CTNNA3: variants seen among roughly 807,000 people sequenced by gnomAD.
CTNNA3 encodes the protein catenin alpha-3.
CTNNA3 carries 76 observed loss-of-function variants against 95.7 expected under a neutral mutation model. The observed-to-expected ratio is 0.79, with a 90% confidence interval of 0.66 to 0.96. The LOEUF is 0.96. Among genes scored for constraint, CTNNA3 ranks in the 40% least tolerant of loss-of-function variants. The probability of loss-of-function intolerance (pLI) is 0.00; values close to 1 mark genes in which losing one functional copy is unlikely to be tolerated. For synonymous variants in CTNNA3, 431 were observed against 374.4 expected (o/e 1.15, Z -1.74); for missense variants, 1,191 against 1,089.8 (o/e 1.09, Z -1.31).
At chr10:67,544,229 G>C (rs10823060) in intron 3 of CTNNA3, among the ~76,000 whole-genome samples, 30,127 of 152,062 alleles carry the variant, frequency 0.2, 4,966 homozygotes, top group African/African-American at 0.46. Flanking sequence ...CCAGTCAAGG[G>C]AGAATAACAG....
intron 1 of CTNNA3, among the ~76,000 whole-genome samples, chr10:67,670,922 C>G (rs1258350209): frequency 6.6e-6 from 1 of 151,944 alleles, no homozygotes; most frequent in East Asian, 1.9e-4. Context: ...TTGTATTTCC[C>G]ATCTCTTTCT....
chr10:66,604,523 C>T (rs1010809798), intron 10 of CTNNA3, among the ~76,000 whole-genome samples: 1 of 152,114 alleles, frequency 6.6e-6, no homozygotes, highest in Non-Finnish European at 1.5e-5. Context: ...CACCATACTA[C>T]GAAATGCTTT....
intron 14 of CTNNA3, among the ~76,000 whole-genome samples, chr10:66,100,322 A>T (rs553941231): frequency 6.6e-6 from 1 of 152,182 alleles, no homozygotes; most frequent in Non-Finnish European, 1.5e-5. Context: ...AAGGTTGTAT[A>T]TGTATTATCA....
intron 1 of CTNNA3, among the ~76,000 whole-genome samples, chr10:67,716,803 G>C (rs1196574107): frequency 2.0e-5 from 3 of 152,208 alleles, no homozygotes. Context: ...TGTGTTTAGA[G>C]TAGAATGACT....
At chr10:67,431,338 C>T (rs114989592) in intron 5 of CTNNA3, among the ~76,000 whole-genome samples, 6,616 of 152,074 alleles carry the variant, frequency 0.044, 175 homozygotes, top group South Asian at 0.098. Flanking sequence ...CTTAACATAT[C>T]TCAGAATCAG....
intron 1 of CTNNA3, among the ~76,000 whole-genome samples, chr10:67,713,655 A>C (rs866137857): frequency 3.3e-5 from 5 of 152,182 alleles, no homozygotes; most frequent in African/African-American, 1.2e-4. Flanking sequence ...TGAAGCTGGA[A>C]ACCATCATTG....
intron 7 of CTNNA3, among the ~76,000 whole-genome samples, chr10:67,031,581 T>G (rs1172207797): frequency 6.6e-6 from 1 of 152,184 alleles, no homozygotes; most frequent in African/African-American, 2.4e-5. Context: ...GAGGACATAA[T>G]GTAACAGCAC....
At chr10:67,127,286 T>C (rs1021472675) in intron 7 of CTNNA3, among the ~76,000 whole-genome samples, 6 of 152,204 alleles carry the variant, frequency 3.9e-5, no homozygotes, top group Non-Finnish European at 8.8e-5. Flanking sequence ...TATTGACTTA[T>C]TATACACTTC....
intron 13 of CTNNA3, among the ~76,000 whole-genome samples, chr10:66,194,481 G>A (rs189585720): frequency 6.6e-6 from 1 of 152,298 alleles, no homozygotes; most frequent in Non-Finnish European, 1.5e-5. Context: ...TTGGGAGGCT[G>A]AGGCATGAGA....
chr10:67,192,782 A>T (rs10822997), intron 6 of CTNNA3, among the ~76,000 whole-genome samples: 55,513 of 151,770 alleles, frequency 0.37, 14,555 homozygotes, highest in African/African-American at 0.75. Context: ...TAGCTTGAAA[A>T]GACATCTGCA....
At chr10:66,260,047 G>C (rs1439795501) in intron 13 of CTNNA3, among the ~76,000 whole-genome samples, 1 of 152,070 alleles carries the variant, frequency 6.6e-6, no homozygotes, top group Non-Finnish European at 1.5e-5. Flanking sequence ...AGGTCTCTCT[G>C]ACCTCTCACT....
In CTNNA3 at chr10:66,627,052, G is replaced by T. The variant is rs145931307; in HGVS notation, c.1282-5268C>A. On this transcript the variant is annotated intron_variant, in intron 9 of 17. Coordinates refer to ENST00000433211, the MANE Select transcript of CTNNA3 (RefSeq NM_013266.4). ...CTTTCCCGAAGATAAATGTACTGAG[G>T]TGAAAGTCTAAAAAAGAATGACCTG... Among the ~76,000 whole-genome samples the T allele has an allele frequency of 6.4e-3, 971 of 152,240 alleles. 11 individuals carry two copies. Among genetic ancestry groups the T allele is most frequent in the African/African-American group, 0.022 (914 of 41,544 alleles).
At chr10:66,344,269 G>GTTGT (rs1040099747) in intron 12 of CTNNA3, among the ~76,000 whole-genome samples, 17 of 150,062 alleles carry the variant, frequency 1.1e-4, no homozygotes, top group African/African-American at 4.1e-4. Flanking sequence ...TGTTGTTGTT[G>GTTGT]TTGTTTGTTT....
intron 2 of CTNNA3, among the ~76,000 whole-genome samples, chr10:67,621,112 T>A (rs756972633): frequency 9.2e-5 from 14 of 152,020 alleles, no homozygotes; most frequent in South Asian, 4.1e-4. Context: ...GGTAATCACC[T>A]GGGAGCTTTA....
At chr10:67,581,781 G>T (rs1842409706) in intron 3 of CTNNA3, among the ~76,000 whole-genome samples, 1 of 152,112 alleles carries the variant, frequency 6.6e-6, no homozygotes, top group South Asian at 2.1e-4. Flanking sequence ...TCCTGGTTTA[G>T]TCTTGGGAAG....
intron 11 of CTNNA3, among the ~76,000 whole-genome samples, chr10:66,470,722 A>G (rs1839097606): frequency 6.6e-6 from 1 of 151,912 alleles, no homozygotes; most frequent in African/African-American, 2.4e-5. Flanking sequence ...ATTATCATGC[A>G]GAATGAAGGA....
At position 67,180,445 on chromosome 10, in the gene CTNNA3, T is replaced by C; in HGVS notation, c.919A>G (p.Ile307Val). The C allele has an allele frequency of 3.7e-6, 6 of 1,613,898 alleles. No individual in the cohort carries two copies. In the East Asian group the frequency reaches 8.9e-5, roughly 24 times the overall value. The change falls in exon 7 of 18, where the codon ATT becomes GTT. Residue 307 changes from isoleucine to valine, a missense_variant. Physicochemically the swap from Ile to Val is conservative, Grantham distance 29 (BLOSUM62 3). Coordinates refer to ENST00000433211, the MANE Select transcript of CTNNA3 (RefSeq NM_013266.4). ...GCCAGCAGAGCAGCCCCACTGATAA[T>C]GGCTTCAAGGCGTTTCTCTAGTGAT... ...RPSLEKRLEA[I>V]ISGAALLADS... is the part of the protein sequence containing the mutation.
intron 1 of CTNNA3, among the ~76,000 whole-genome samples, chr10:67,725,154 A>T (rs1281263729): frequency 6.6e-6 from 1 of 151,538 alleles, no homozygotes; most frequent in Non-Finnish European, 1.5e-5. Flanking sequence ...ATCCACTTAT[A>T]TATAGTATTA....
chr10:67,567,475 G>A (rs1391061419), intron 3 of CTNNA3, among the ~76,000 whole-genome samples: 1 of 152,046 alleles, frequency 6.6e-6, no homozygotes, highest in Non-Finnish European at 1.5e-5. Context: ...TGAGAAATTG[G>A]TTAATGCGTA....
Sources: allele counts gnomAD v4.1 joint callset (sites outside exome capture counted in the v4.1 genomes callset), GRCh38; gene constraint gnomAD v4.1.1; transcripts MANE v1.5; gene names NCBI Gene and HGNC (gene_info 2026-07-23, HGNC 2026-07-21).